The following DCAF16 variants were observed in gnomAD, a reference collection of about 807,000 sequenced individuals.
The protein encoded by DCAF16 is DDB1 and CUL4 associated factor 16, also known as DDB1- and CUL4-associated factor 16.
Under a neutral mutation model 17.3 loss-of-function variants are expected in DCAF16, and 10 were observed. That is an observed-to-expected ratio of 0.58 (90% CI 0.36 to 0.98). DCAF16 has a LOEUF of 0.98. Among genes scored for constraint, DCAF16 ranks in the 50% least tolerant of loss-of-function variants. The probability of loss-of-function intolerance (pLI) is 0.01; values close to 1 mark genes in which losing one functional copy is unlikely to be tolerated. For missense variants in DCAF16, 249 were observed against 247.6 expected (o/e 1.01, Z -0.04); for synonymous variants, 111 against 92.8 (o/e 1.20, Z -1.12).
At chr4:17,796,668 C>G (rs1224597526), downstream of DCAF16, among the ~76,000 whole-genome samples, 3 of 152,330 alleles carry the variant, frequency 2.0e-5, no homozygotes, top group Admixed American at 6.5e-5. Flanking sequence ...GATCGCACCA[C>G]TGCGTTCCAG....
In DCAF16 at chr4:17,803,428, G is replaced by T; in HGVS notation, c.*63C>A. 2 of 1,484,704 alleles carry T rather than the reference G, an allele frequency of 1.3e-6. No homozygotes were observed. The highest frequency in any genetic ancestry group is 2.5e-5 in the South Asian group (2 of 80,638). The allele number at this position is 1,484,704 out of a possible 1,614,324, so 92.0% of individuals were successfully genotyped here. The stretch of plus-strand genomic sequence containing the variant: ...AGAAGGCATTAGTGGGCTGTGTAAT[G>T]ACTAACTTTGTACCACTTTCTCAAT... On this transcript the variant is annotated 3_prime_UTR_variant, in exon 3 of 3. Coordinates refer to ENST00000382247, the MANE Select transcript of DCAF16 (RefSeq NM_017741.4).
At chr4:17,794,812 T>C in the DCAF16 span, among the ~76,000 whole-genome samples, 1 of 152,182 alleles carries the variant, frequency 6.6e-6, no homozygotes, top group African/African-American at 2.4e-5. Context: ...CTAAATAACA[T>C]ACTTTCTAAG....
chr4:17,807,243 C>T (rs1720412490), intron 1 of DCAF16, among the ~76,000 whole-genome samples: 1 of 152,152 alleles, frequency 6.6e-6, no homozygotes, highest in African/African-American at 2.4e-5. Context: ...AATCACATCA[C>T]AATTAATCAT....
In DCAF16 at chr4:17,803,313, C is replaced by G. The variant is rs552921026; in HGVS notation, c.*178G>C. On this transcript the variant is annotated 3_prime_UTR_variant, in exon 3 of 3. Coordinates refer to ENST00000382247, the MANE Select transcript of DCAF16 (RefSeq NM_017741.4). ...GTGCTGGGATTACAGGTGTGAGCCACCATGCCTGACCTTGATATTATCATT... is the reference window on the plus strand; with the variant it reads ...GTGCTGGGATTACAGGTGTGAGCCAGCATGCCTGACCTTGATATTATCATT... The G allele has an allele frequency of 6.5e-5, 41 of 634,652 alleles. No homozygotes were observed. In the African/African-American group the frequency reaches 7.4e-4, roughly 11 times the overall value. The allele number at this position is 634,652 out of a possible 1,614,324, so 39.3% of individuals were successfully genotyped here. A position where few individuals can be genotyped will look rare whatever the true frequency, so the allele number is the denominator to read the frequency against.
chr4:17,810,156 C>T (rs1015750678), intron 1 of DCAF16, among the ~76,000 whole-genome samples: 7 of 152,286 alleles, frequency 4.6e-5, no homozygotes, highest in African/African-American at 1.7e-4. Context: ...GAAGTTCTGT[C>T]TGATATAATT....
downstream of DCAF16, among the ~76,000 whole-genome samples, chr4:17,796,129 T>C (rs529228340): frequency 6.6e-6 from 1 of 152,230 alleles, no homozygotes; most frequent in Non-Finnish European, 1.5e-5. Flanking sequence ...AGTCATCTGC[T>C]AGAGAGATAG....
At chr4:17,805,410 G>A (rs918870947) in intron 1 of DCAF16, among the ~76,000 whole-genome samples, 185 bp from the exon 2 acceptor site, 7 of 151,710 alleles carry the variant, frequency 4.6e-5, no homozygotes, top group African/African-American at 1.5e-4. Flanking sequence ...TATCAAATAT[G>A]GCCTATCCCA....
downstream of DCAF16, among the ~76,000 whole-genome samples, chr4:17,796,872 C>T (rs987567166): frequency 2.6e-5 from 4 of 152,192 alleles, no homozygotes; most frequent in Non-Finnish European, 4.4e-5. Flanking sequence ...TGACACTCAA[C>T]AACAGTTCTA....
In DCAF16 at chr4:17,810,198, C is replaced by T. The variant is rs116071032; in HGVS notation, c.-750+249G>A. 6.7e-3 allele frequency among the ~76,000 whole-genome samples: 1,020 copies of T among 152,286 alleles called. 16 individuals carry two copies. The highest frequency in any genetic ancestry group is 0.024 in the African/African-American group (982 of 41,554). Reference sequence around the variant, plus strand: ...AAAATTTAAAAACCTAGTTCCTACTCTTCTTTATTTTAACCACTACCCGAA... The same window carrying T: ...AAAATTTAAAAACCTAGTTCCTACTTTTCTTTATTTTAACCACTACCCGAA... On this transcript the variant is annotated intron_variant, in intron 1 of 2. Transcript: ENST00000382247.
chr4:17,795,863 G>GT (rs1719404037), downstream of DCAF16, among the ~76,000 whole-genome samples: 1 of 152,192 alleles, frequency 6.6e-6, no homozygotes, highest in Admixed American at 6.5e-5. Context: ...CAGTTTCACT[G>GT]TAACAAATAA....
chr4:17,806,926 TG>T (rs1191160834), intron 1 of DCAF16, among the ~76,000 whole-genome samples: 1 of 152,110 alleles, frequency 6.6e-6, no homozygotes, highest in Non-Finnish European at 1.5e-5. Context: ...TAAGGGTGAA[TG>T]GATATGTTTA....
downstream of DCAF16, among the ~76,000 whole-genome samples, chr4:17,796,681 T>C (rs1383703795): frequency 3.9e-5 from 6 of 152,202 alleles, no homozygotes; most frequent in Non-Finnish European, 5.9e-5. Context: ...CGTTCCAGCC[T>C]GGCGACAGGG....
chr4:17,803,310 C>A lies in DCAF16; in HGVS notation c.*181G>T. 4.8e-6 allele frequency: 3 copies of A among 623,222 alleles called. No homozygotes were observed. The highest frequency in any genetic ancestry group is 4.4e-4 in the Middle Eastern group (1 of 2,270). 38.6% of individuals were successfully genotyped at this position (623,222 alleles called of 1,614,324 possible). ...AAAGTGCTGGGATTACAGGTGTGAGCCACCATGCCTGACCTTGATATTATC... is the reference window on the plus strand; with the variant it reads ...AAAGTGCTGGGATTACAGGTGTGAGACACCATGCCTGACCTTGATATTATC... On this transcript the variant is annotated 3_prime_UTR_variant, in exon 3 of 3. Coordinates refer to ENST00000382247, the MANE Select transcript of DCAF16 (RefSeq NM_017741.4).
chr4:17,794,789 A>G, the DCAF16 span, among the ~76,000 whole-genome samples: 241 of 152,318 alleles, frequency 1.6e-3, no homozygotes, highest in Non-Finnish European at 2.9e-3. Context: ...TCAAATTTTT[A>G]AAAAACTGAT....
downstream of DCAF16, among the ~76,000 whole-genome samples, chr4:17,797,946 C>A (rs1173692396): frequency 6.6e-6 from 1 of 152,196 alleles, no homozygotes; most frequent in East Asian, 1.9e-4. Flanking sequence ...AATTTCTCCC[C>A]AAATAAAACT....
chr4:17,805,463 C>G (rs984296448), intron 1 of DCAF16, among the ~76,000 whole-genome samples: 1 of 151,748 alleles, frequency 6.6e-6, no homozygotes, highest in African/African-American at 2.4e-5. Context: ...TATAAATTAC[C>G]AGAACTAAAG....
At chr4:17,809,387 T>C (rs1223579468) in intron 1 of DCAF16, 1 of 152,250 alleles carries the variant, frequency 6.6e-6, no homozygotes, top group African/African-American at 2.4e-5. Context: ...CAGATGCACA[T>C]ATAATTATTC....
rs1287910877 is a variant in DCAF16, at chr4:17,810,483, T to G, written c.-786A>C. On this transcript the variant is annotated 5_prime_UTR_variant, in exon 1 of 3. Transcript: ENST00000382247. ...CCGCTCAGCGGACCCAGCAGCGTCG[T>G]CTCCCTTCTCAGAGGTGGCCGGGCC... 6.6e-6 allele frequency: 1 copy of G among 152,392 alleles called. No homozygotes were observed. The highest frequency in any genetic ancestry group is 1.5e-5 in the Non-Finnish European group (1 of 68,200). The allele number at this position is 152,392 out of a possible 1,614,324, so 9.4% of individuals were successfully genotyped here.
At chr4:17,795,461 C>T in the DCAF16 span, among the ~76,000 whole-genome samples, 4 of 151,818 alleles carry the variant, frequency 2.6e-5, no homozygotes, top group Non-Finnish European at 4.4e-5. Context: ...CTCTCTTCAC[C>T]TTCTTTCTCT....
Sources: gnomAD v4.1 joint callset for allele counts (sites outside exome capture counted in the v4.1 genomes callset) on GRCh38, gnomAD v4.1.1 for gene constraint, MANE v1.5 for transcripts, NCBI Gene and HGNC (gene_info 2026-07-23, HGNC 2026-07-21) for gene names.